WNT2: variants seen among roughly 807,000 people sequenced by gnomAD.
WNT2 encodes the protein Wnt family member 2, also known as protein Wnt-2.
Under a neutral mutation model 36.9 loss-of-function variants are expected in WNT2, and 12 were observed. The observed-to-expected ratio is 0.33, with a 90% CI of 0.21 to 0.53. The LOEUF is 0.53. WNT2 is among the 20% of genes least tolerant of loss of function. The pLI is 0.95. For synonymous variants in WNT2, 163 were observed against 174.6 expected (o/e 0.93, Z 0.52); for missense variants, 379 against 473.1 (o/e 0.80, Z 1.84).
At chr7:117,314,189 C>A (rs1208377604) in intron 3 of WNT2, among the ~76,000 whole-genome samples, 1 of 152,168 alleles carries the variant, frequency 6.6e-6, no homozygotes, top group Non-Finnish European at 1.5e-5. Context: ...ATTTGATTCA[C>A]CCAGCCAGTT....
Position 117,320,626 on chromosome 7 carries a change from CGGTGCTGGCGGAACT to C in WNT2, c.236_250del (p.Gln79_His83del). 1 of 1,613,918 alleles carries C rather than the reference CGGTGCTGGCGGAACT, an allele frequency of 6.2e-7. No individual in the cohort carries two copies. Among genetic ancestry groups the C allele is most frequent in the East Asian group, 2.2e-5 (1 of 44,868 alleles). ...CCTGTCCAGGGTGTTGCAATTCCAGCGGTGCTGGCGGAACTGGTGCTGGCATTCTGCTGTCCACTC... is the reference window on the plus strand; with the variant it reads ...CCTGTCCAGGGTGTTGCAATTCCAGCGGTGCTGGCATTCTGCTGTCCACTC... On this transcript the variant is annotated inframe_deletion, in exon 2 of 5. Coordinates refer to ENST00000265441, the MANE Select transcript of WNT2 (RefSeq NM_003391.3).
chr7:117,308,957 G>A (rs1265770185), intron 3 of WNT2, among the ~76,000 whole-genome samples: 2 of 151,908 alleles, frequency 1.3e-5, no homozygotes, highest in African/African-American at 4.8e-5. Flanking sequence ...GCCATGGCAG[G>A]AGGATCACTT....
intron 3 of WNT2, among the ~76,000 whole-genome samples, chr7:117,305,397 T>C (rs1794995731): frequency 6.6e-6 from 1 of 152,204 alleles, no homozygotes; most frequent in Admixed American, 6.5e-5. Flanking sequence ...GTCAATATTA[T>C]GTTTCTGTGA....
Position 117,302,290 on chromosome 7 carries a change from G to C in WNT2, c.589-4414C>G, listed in dbSNP as rs879362436. On this transcript the variant is annotated intron_variant, in intron 3 of 4. Coordinates refer to ENST00000265441, the MANE Select transcript of WNT2 (RefSeq NM_003391.3). ...CTAACAAAAGGACAAAAAGGTGTTC[G>C]ACTTCATTAGTAACTGGAGAAATGC... Among the ~76,000 whole-genome samples the C allele has an allele frequency of 6.0e-4, 92 of 152,214 alleles. 1 individual carries two copies. The highest frequency in any genetic ancestry group is 2.1e-3 in the African/African-American group (89 of 41,528).
chr7:117,315,362 G>A lies in WNT2; in HGVS notation c.311-14C>T. 1.9e-6 allele frequency: 3 copies of A among 1,607,568 alleles called. No individual in the cohort carries two copies. In the East Asian group the frequency reaches 6.7e-5, roughly 36 times the overall value. ...ATTCCCGACTACCTGAAACAAAAAT[G>A]CTTTTCTTAAAAGTGGTCCGGTAGC... On this transcript the variant is annotated splice_polypyrimidine_tract_variant and intron_variant, in intron 2 of 4. Transcript: ENST00000265441.
intron 2 of WNT2, among the ~76,000 whole-genome samples, chr7:117,317,693 A>G (rs1219951405): frequency 1.3e-5 from 2 of 152,210 alleles, no homozygotes. Flanking sequence ...AAGTGGTGAC[A>G]TCTGTATTTC....
chr7:117,322,536 TACACACACACAC>T lies in WNT2; in HGVS notation c.83+359_83+370del, dbSNP rs144898264. 2.8e-4 allele frequency among the ~76,000 whole-genome samples: 36 copies of T among 127,998 alleles called. No homozygotes were observed. Among genetic ancestry groups the T allele is most frequent in the African/African-American group, 9.0e-4 (29 of 32,210 alleles). 84.0% of individuals were successfully genotyped at this position (127,998 alleles called of 152,430 possible). A position where few individuals can be genotyped will look rare whatever the true frequency, so the allele number is the denominator to read the frequency against. Reference sequence around the variant, plus strand: ...GCGGTTGTAGTTTTCAAGGTGAATTTACACACACACACACACACACACACACACACACACACG... The same window carrying T: ...GCGGTTGTAGTTTTCAAGGTGAATTTACACACACACACACACACACACACG... On this transcript the variant is annotated intron_variant, in intron 1 of 4. Coordinates refer to ENST00000265441, the MANE Select transcript of WNT2 (RefSeq NM_003391.3). The surrounding 1 kb of genome is among the most constrained non-coding windows in gnomAD (Gnocchi z 5.4).
At chr7:117,283,916 A>C (rs1584675581) in intron 4 of WNT2, among the ~76,000 whole-genome samples, 1 of 152,190 alleles carries the variant, frequency 6.6e-6, no homozygotes, top group Non-Finnish European at 1.5e-5. Flanking sequence ...CACTGATGAG[A>C]GAACAGCAGT....
intron 4 of WNT2, among the ~76,000 whole-genome samples, chr7:117,296,325 CG>C (rs1337953447): frequency 6.6e-6 from 1 of 152,086 alleles, no homozygotes; most frequent in Non-Finnish European, 1.5e-5. Context: ...TCAAATGCTG[CG>C]GAGAACTAGC....
In WNT2 at chr7:117,278,087, G is replaced by A; in HGVS notation, c.*68C>T. On this transcript the variant is annotated 3_prime_UTR_variant, in exon 5 of 5. Coordinates refer to ENST00000265441, the MANE Select transcript of WNT2 (RefSeq NM_003391.3). Reference sequence around the variant, plus strand: ...ATATCCCCCCAGAAAGAACCCAAAGGTCCAGTGTTCTTGCAGATCCAATGG... The same window carrying A: ...ATATCCCCCCAGAAAGAACCCAAAGATCCAGTGTTCTTGCAGATCCAATGG... The A allele has an allele frequency of 6.6e-7, 1 of 1,522,404 alleles. No homozygotes were observed. Among genetic ancestry groups the A allele is most frequent in the Non-Finnish European group, 9.1e-7 (1 of 1,102,406 alleles). The allele number at this position is 1,522,404 out of a possible 1,614,324, so 94.3% of individuals were successfully genotyped here. A position where few individuals can be genotyped will look rare whatever the true frequency, so the allele number is the denominator to read the frequency against.
chr7:117,299,846 G>A (rs1344256862), intron 3 of WNT2, among the ~76,000 whole-genome samples: 2 of 152,010 alleles, frequency 1.3e-5, no homozygotes, highest in East Asian at 3.9e-4. Context: ...CTTCAAAACT[G>A]ATATTTTTAT....
Position 117,283,202 on chromosome 7 carries a change from T to C in WNT2, c.854-4818A>G, listed in dbSNP as rs150992874. Among the ~76,000 whole-genome samples, 414 of 152,258 alleles carry C rather than the reference T, an allele frequency of 2.7e-3. 1 individual carries two copies. The highest frequency in any genetic ancestry group is 9.6e-3 in the African/African-American group (399 of 41,552). The stretch of plus-strand genomic sequence containing the variant: ...GGGCATGAAGACTCAGGTTTAGAAA[T>C]CTTTTGTGCAGTGGTGGTAACTGAA... On this transcript the variant is annotated intron_variant, in intron 4 of 4. Coordinates refer to ENST00000265441, the MANE Select transcript of WNT2 (RefSeq NM_003391.3).
At chr7:117,282,874 T>C (rs1794514365) in intron 4 of WNT2, among the ~76,000 whole-genome samples, 1 of 152,128 alleles carries the variant, frequency 6.6e-6, no homozygotes, top group Non-Finnish European at 1.5e-5. Flanking sequence ...TGGCCTGGAT[T>C]AAGACAGTGG....
chr7:117,301,372 G>A (rs1220597527), intron 3 of WNT2, among the ~76,000 whole-genome samples: 1 of 152,152 alleles, frequency 6.6e-6, no homozygotes, highest in African/African-American at 2.4e-5. Flanking sequence ...GATGTAAGCT[G>A]AGGCAGCCTG....
At chr7:117,317,790 T>C (rs960951179) in intron 2 of WNT2, among the ~76,000 whole-genome samples, 3 of 152,200 alleles carry the variant, frequency 2.0e-5, no homozygotes, top group African/African-American at 7.2e-5. Context: ...CAGTTTTTAT[T>C]TGGGGTAGAG....
chr7:117,280,337 C>T (rs1001834038), intron 4 of WNT2, among the ~76,000 whole-genome samples: 1 of 152,182 alleles, frequency 6.6e-6, no homozygotes, highest in Non-Finnish European at 1.5e-5. Flanking sequence ...CTTCACAGCA[C>T]ACCCATTATT....
intron 4 of WNT2, among the ~76,000 whole-genome samples, chr7:117,286,865 T>C (rs975622787): frequency 2.6e-5 from 4 of 152,206 alleles, no homozygotes; most frequent in African/African-American, 9.7e-5. Context: ...CCCATTAAAT[T>C]AGCAAATCTT....
At chr7:117,293,207 T>C (rs1186126887) in intron 4 of WNT2, among the ~76,000 whole-genome samples, 2 of 146,472 alleles carry the variant, frequency 1.4e-5, no homozygotes, top group African/African-American at 2.5e-5. Context: ...GCCACTTCCT[T>C]TGGAAAAAAG....
intron 3 of WNT2, among the ~76,000 whole-genome samples, chr7:117,298,727 C>T (rs975244333): frequency 6.6e-5 from 10 of 152,110 alleles, no homozygotes; most frequent in Non-Finnish European, 1.0e-4. Context: ...AGCACTTTCC[C>T]CAAAGCAATT....
Sources: gnomAD v4.1 joint callset for allele counts (sites outside exome capture counted in the v4.1 genomes callset) on GRCh38, gnomAD v4.1.1 for gene constraint, Gnocchi (gnomAD v3.1) non-coding constraint, MANE v1.5 for transcripts, NCBI Gene and HGNC (gene_info 2026-07-23, HGNC 2026-07-21) for gene names.